Variants in PCDH17 observed in about 807,000 individuals in gnomAD.
PCDH17 encodes protocadherin 17.
A neutral mutation model predicts 67.7 loss-of-function variants in PCDH17; 21 were observed. That is an observed-to-expected ratio of 0.31 (90% CI 0.22 to 0.45). The LOEUF (loss-of-function observed/expected upper bound fraction) is 0.45, where lower values mean the gene tolerates loss of function less well. Among genes scored for constraint, PCDH17 ranks in the 20% least tolerant of loss-of-function variants. PCDH17 has a pLI of 1.00. For missense variants in PCDH17, 1,471 were observed against 1,564.8 expected (o/e 0.94, Z 1.01); for synonymous variants, 701 against 656.7 (o/e 1.07, Z -1.03).
At chr13:57,674,279 C>CT (rs538636093) in intron 3 of PCDH17, among the ~76,000 whole-genome samples, 272 of 151,828 alleles carry the variant, frequency 1.8e-3, no homozygotes, top group African/African-American at 6.0e-3. Flanking sequence ...TAAAAAAGTC[C>CT]TTTTTTTAGT....
intron 1 of PCDH17, among the ~76,000 whole-genome samples, chr13:57,652,057 T>C (rs1217818006): frequency 6.6e-6 from 1 of 151,754 alleles, no homozygotes; most frequent in Non-Finnish European, 1.5e-5. Flanking sequence ...GGCGGGTGGA[T>C]CATGAGGTCA....
chr13:57,713,788 C>T (rs1420694464), intron 3 of PCDH17, among the ~76,000 whole-genome samples: 1 of 151,534 alleles, frequency 6.6e-6, no homozygotes, highest in African/African-American at 2.4e-5. Flanking sequence ...TTAGTTTTTA[C>T]ATTTTTGTTA....
intron 3 of PCDH17, among the ~76,000 whole-genome samples, chr13:57,674,153 T>C (rs1019436296): frequency 3.3e-5 from 5 of 151,934 alleles, no homozygotes; most frequent in Non-Finnish European, 5.9e-5. Flanking sequence ...ATTTTGAGAA[T>C]CTCTTGCTTT....
Position 57,725,354 on chromosome 13 carries a change from T to G in PCDH17, c.*60T>G. The G allele has an allele frequency of 6.9e-7, 1 of 1,452,494 alleles. No individual in the cohort carries two copies. Among genetic ancestry groups the G allele is most frequent in the Non-Finnish European group, 9.4e-7 (1 of 1,069,240 alleles). The allele number at this position is 1,452,494 out of a possible 1,614,324, so 90.0% of individuals were successfully genotyped here. On this transcript the variant is annotated 3_prime_UTR_variant, in exon 4 of 4. Coordinates refer to ENST00000377918, the MANE Select transcript of PCDH17 (RefSeq NM_001040429.3). ...GTCTCTTCTGTTGATTTAAAAATGA[T>G]CCCTCCTGGTGATAACCCATTTTAC...
At chr13:57,707,333 CCGTG>C (rs1342857782) in intron 3 of PCDH17, among the ~76,000 whole-genome samples, 3 of 89,412 alleles carry the variant, frequency 3.4e-5, no homozygotes, top group South Asian at 1.1e-3. Flanking sequence ...TGATATATGA[CCGTG>C]TGTGTGTGTG....
At chr13:57,697,958 T>G (rs1431550684) in intron 3 of PCDH17, among the ~76,000 whole-genome samples, 1 of 151,642 alleles carries the variant, frequency 6.6e-6, no homozygotes, top group African/African-American at 2.4e-5. Flanking sequence ...TTAAAATATT[T>G]GTTAATAGTC....
chr13:57,632,444 C>G lies in PCDH17; in HGVS notation c.-103C>G. The G allele has an allele frequency of 8.3e-7, 1 of 1,208,292 alleles. No individual in the cohort carries two copies. The highest frequency in any genetic ancestry group is 1.5e-5 in the African/African-American group (1 of 65,328). The allele number at this position is 1,208,292 out of a possible 1,614,324, so 74.8% of individuals were successfully genotyped here. A position where few individuals can be genotyped will look rare whatever the true frequency, so the allele number is the denominator to read the frequency against. ...GAAAAAAGGACCCATAGACTTGTGGCTCGCGTCGCGCGCGCACGCTGCGCC... is the reference window on the plus strand; with the variant it reads ...GAAAAAAGGACCCATAGACTTGTGGGTCGCGTCGCGCGCGCACGCTGCGCC... On this transcript the variant is annotated 5_prime_UTR_variant, in exon 1 of 4. Coordinates refer to ENST00000377918, the MANE Select transcript of PCDH17 (RefSeq NM_001040429.3).
In PCDH17 at chr13:57,666,445, A is replaced by AT. The variant is rs749346326; in HGVS notation, c.2566-16dup. The AT allele has an allele frequency of 3.1e-6, 5 of 1,597,708 alleles. No homozygotes were observed. The African/African-American group carries it at 4.0e-5, about 13-fold the overall frequency. Reference sequence around the variant, plus strand: ...ATTTGTCCAGTGTACAACTATACGTATTTTTTTCCTTCTCTTTCACAGACA... The same window carrying AT: ...ATTTGTCCAGTGTACAACTATACGTATTTTTTTTCCTTCTCTTTCACAGACA... On this transcript the variant is annotated intron_variant, in intron 1 of 3. Transcript: ENST00000377918.
At chr13:57,641,018 G>T (rs568540207) in intron 1 of PCDH17, among the ~76,000 whole-genome samples, 1 of 152,020 alleles carries the variant, frequency 6.6e-6, no homozygotes, top group Admixed American at 6.6e-5. Context: ...GGGATTTTTT[G>T]TGTATTAAAT....
chr13:57,660,337 T>C (rs561637378), intron 1 of PCDH17, among the ~76,000 whole-genome samples: 1 of 152,338 alleles, frequency 6.6e-6, no homozygotes, highest in African/African-American at 2.4e-5. Flanking sequence ...TTCATTTGTA[T>C]TCTGTCCAAA....
chr13:57,711,341 C>T (rs1005601873), intron 3 of PCDH17, among the ~76,000 whole-genome samples: 1 of 151,832 alleles, frequency 6.6e-6, no homozygotes, highest in African/African-American at 2.4e-5. Context: ...TGTGATTGAG[C>T]ACCAGGAAAA....
chr13:57,708,599 A>C (rs773356386), intron 3 of PCDH17, among the ~76,000 whole-genome samples: 5 of 151,980 alleles, frequency 3.3e-5, no homozygotes, highest in African/African-American at 1.2e-4. Flanking sequence ...CACACAAATT[A>C]AACACAAAGC....
intron 1 of PCDH17, 129 bp from the exon 2 acceptor site, chr13:57,666,339 A>C (rs1444013311): frequency 1.4e-6 from 1 of 693,510 alleles, no homozygotes; most frequent in African/African-American, 1.8e-5. Flanking sequence ...AATTTAATTA[A>C]AATGTACAAA....
At chr13:57,716,498 T>C (rs1955817693) in intron 3 of PCDH17, among the ~76,000 whole-genome samples, 1 of 151,896 alleles carries the variant, frequency 6.6e-6, no homozygotes, top group African/African-American at 2.4e-5. Context: ...GCGCCCTCTC[T>C]CTGCTCTCCA....
At chr13:57,715,151 A>G (rs957532522) in intron 3 of PCDH17, among the ~76,000 whole-genome samples, 2 of 151,804 alleles carry the variant, frequency 1.3e-5, no homozygotes, top group Non-Finnish European at 2.9e-5. Context: ...ATTGTTTTTA[A>G]CAGACATCTG....
intron 3 of PCDH17, among the ~76,000 whole-genome samples, chr13:57,672,292 T>C (rs1290110412): frequency 6.6e-6 from 1 of 152,004 alleles, no homozygotes; most frequent in African/African-American, 2.4e-5. Context: ...GTATTTGAAT[T>C]TTGCTTGGGG....
At position 57,633,469 on chromosome 13, in the gene PCDH17, A is replaced by G. The variant is rs201545783; in HGVS notation, c.923A>G (p.Asn308Ser). The G allele has an allele frequency of 1.9e-5, 30 of 1,613,672 alleles. 1 individual carries two copies. The highest frequency in any genetic ancestry group is 6.6e-5 in the South Asian group (6 of 91,080). Residue 308 changes from asparagine (N) to serine (S), a missense_variant, in exon 1 of 4, where the codon AAT becomes AGT. By Grantham distance (46) the Asn-to-Ser change is conservative. Around this residue, in one of 3 missense-constraint regions of PCDH17, gnomAD observed 1,163 missense variants for 1,230.0 expected, o/e 0.95. Coordinates refer to ENST00000377918, the MANE Select transcript of PCDH17 (RefSeq NM_001040429.3). This position sits in a 1 kb window ranked among gnomAD's most constrained non-coding sequence, Gnocchi z 6.2. ...ACCGGCCTAATCCGTGTGAAGGGCAATCTGGACTATGAGGAAAACGGGATG... is the reference window on the plus strand; with the variant it reads ...ACCGGCCTAATCCGTGTGAAGGGCAGTCTGGACTATGAGGAAAACGGGATG... ...PKTGLIRVKG[N>S]LDYEENGMLE... is the part of the protein sequence containing the mutation.
At chr13:57,720,209 A>AAG (rs771940328) in intron 3 of PCDH17, among the ~76,000 whole-genome samples, 28 of 152,002 alleles carry the variant, frequency 1.8e-4, no homozygotes, top group Non-Finnish European at 2.7e-4. Context: ...TAGGTTAAAA[A>AAG]AGAGAGAGAG....
intron 3 of PCDH17, among the ~76,000 whole-genome samples, chr13:57,668,998 C>T (rs970674425): frequency 1.3e-5 from 2 of 152,110 alleles, no homozygotes; most frequent in African/African-American, 2.4e-5. Context: ...CCGCTCCCCC[C>T]ACCCCACAAC....
Sources: allele counts gnomAD v4.1 joint callset (sites outside exome capture counted in the v4.1 genomes callset), GRCh38; gene constraint gnomAD v4.1.1; regional missense constraint gnomAD v4.1.1; non-coding constraint Gnocchi (gnomAD v3.1); transcripts MANE v1.5; gene names NCBI Gene and HGNC (gene_info 2026-07-23, HGNC 2026-07-21).